RBBP5: variants seen among roughly 807,000 people sequenced by gnomAD.
The protein encoded by RBBP5 is retinoblastoma-binding protein 5.
A neutral mutation model predicts 72.2 loss-of-function variants in RBBP5; 5 were observed. The ratio of observed to expected loss-of-function variants is 0.07; its 90% CI spans 0.04 to 0.15. The LOEUF (loss-of-function observed/expected upper bound fraction) is 0.15. Among genes scored for constraint, RBBP5 ranks in the 10% least tolerant of loss-of-function variants. The probability of loss-of-function intolerance (pLI) is 1.00; values close to 1 mark genes in which losing one functional copy is unlikely to be tolerated. For synonymous variants in RBBP5, 209 were observed against 237.2 expected, an observed-to-expected ratio of 0.88 and a Z score of 1.09; for missense variants, 322 against 652.2, an observed-to-expected ratio of 0.49 and a Z score of 5.51.
intron 6 of RBBP5, among the ~76,000 whole-genome samples, chr1:205,100,483 A>C (rs1655776872): frequency 6.6e-6 from 1 of 152,182 alleles, no homozygotes; most frequent in African/African-American, 2.4e-5. Flanking sequence ...AAAATATACA[A>C]ATTGTCAGCA....
intron 13 of RBBP5, among the ~76,000 whole-genome samples, chr1:205,092,395 C>T (rs909166804): frequency 2.2e-4 from 31 of 142,880 alleles, no homozygotes; most frequent in Non-Finnish European, 4.2e-4. Flanking sequence ...GCAATCTGAC[C>T]GCCTCAGCCT....
In RBBP5 at chr1:205,100,029, C is replaced by G; in HGVS notation, c.788G>C (p.Gly263Ala). Residue 263 changes from glycine (G) to alanine (A), a missense_variant, in exon 8 of 14, where the codon GGG (glycine) becomes GCG (alanine). Transcript: ENST00000264515. ...PWKKCCFSGD[G>A]EYIVAGSARQ... ...GGCAGAACCTGCCACGATGTATTCC[C>G]CATCCCCAGAGAAACAACATTTCTT... The G allele has an allele frequency of 6.2e-7, 1 of 1,614,100 alleles. No homozygotes were observed. The highest frequency in any genetic ancestry group is 8.5e-7 in the Non-Finnish European group (1 of 1,179,962).
Position 205,087,074 on chromosome 1 carries a change from G to A in RBBP5, c.*1713C>T, listed in dbSNP as rs1293932379. On this transcript the variant is annotated 3_prime_UTR_variant, in exon 14 of 14. Transcript: ENST00000264515. ...CTTTCTTCAACTACTGAATATACTGGTTTTAAATGATGGAGTGAGACAAAG... is the reference window on the plus strand; with the variant it reads ...CTTTCTTCAACTACTGAATATACTGATTTTAAATGATGGAGTGAGACAAAG... 4 of 152,114 alleles carry A rather than the reference G, an allele frequency of 2.6e-5. No individual in the cohort carries two copies. The highest frequency in any genetic ancestry group is 5.9e-5 in the Non-Finnish European group (4 of 68,020). 9.4% of individuals were successfully genotyped at this position (152,114 alleles called of 1,614,324 possible). A position where few individuals can be genotyped will look rare whatever the true frequency, so the allele number is the denominator to read the frequency against.
At chr1:205,109,874 A>AG (rs1656236524) in intron 3 of RBBP5, among the ~76,000 whole-genome samples, 1 of 151,898 alleles carries the variant, frequency 6.6e-6, no homozygotes, top group South Asian at 2.1e-4. Flanking sequence ...CATCCTAACA[A>AG]GGGGGGTGGC....
At chr1:205,104,381 G>C (rs1022504914) in intron 4 of RBBP5, among the ~76,000 whole-genome samples, 6 of 151,800 alleles carry the variant, frequency 4.0e-5, no homozygotes, top group African/African-American at 1.5e-4. Context: ...AAACTTAGCC[G>C]GATGTGGTGC....
intron 11 of RBBP5, 101 bp from the exon 12 acceptor site, chr1:205,097,012 G>T (rs780370132): frequency 1.3e-5 from 13 of 1,037,788 alleles, no homozygotes; most frequent in Non-Finnish European, 1.6e-5. Context: ...TAAGCAACAG[G>T]TATGGATCTA....
intron 3 of RBBP5, among the ~76,000 whole-genome samples, chr1:205,112,253 G>C (rs937485156): frequency 1.3e-5 from 2 of 152,108 alleles, no homozygotes; most frequent in South Asian, 2.1e-4. Context: ...GGGAGGTGGA[G>C]GTTGCAGTGA....
intron 3 of RBBP5, among the ~76,000 whole-genome samples, chr1:205,107,089 C>T (rs61822563): frequency 0.19 from 26,735 of 137,840 alleles, 2,592 homozygotes; most frequent in East Asian, 0.39. Context: ...TATATATATA[C>T]ACACACACAC....
At chr1:205,092,566 C>A (rs1391420668) in intron 13 of RBBP5, among the ~76,000 whole-genome samples, 1 of 152,174 alleles carries the variant, frequency 6.6e-6, no homozygotes, top group Non-Finnish European at 1.5e-5. Context: ...CCTGCCTCAG[C>A]TTCCTATGTT....
intron 13 of RBBP5, among the ~76,000 whole-genome samples, chr1:205,093,523 TATATATATATACACACAC>T (rs1655476867): frequency 4.6e-5 from 1 of 21,820 alleles, no homozygotes; most frequent in African/African-American, 4.2e-4. Flanking sequence ...TATATATATA[TATATATATATACACACAC>T]ACACACACAC....
intron 3 of RBBP5, 65 bp from the exon 4 acceptor site, chr1:205,105,233 AC>A: frequency 1.9e-6 from 3 of 1,545,958 alleles, no homozygotes; most frequent in Non-Finnish European, 1.8e-6. Flanking sequence ...TCATGAATAA[AC>A]TGTGTAAGTC....
chr1:205,105,771 C>A (rs1303349826), intron 3 of RBBP5, among the ~76,000 whole-genome samples: 1 of 152,144 alleles, frequency 6.6e-6, no homozygotes, highest in East Asian at 1.9e-4. Flanking sequence ...GAAGGAGAAG[C>A]CAACAACCTG....
intron 1 of RBBP5, among the ~76,000 whole-genome samples, chr1:205,118,627 A>AAAAAG (rs577682047): frequency 0.013 from 1,965 of 152,154 alleles, 23 homozygotes; most frequent in Non-Finnish European, 0.021. Flanking sequence ...CCTCTAAAGA[A>AAAAAG]AAAAGAAAAG....
intron 12 of RBBP5, 47 bp downstream of exon 12, chr1:205,096,635 T>C (rs1364663777): frequency 6.4e-7 from 1 of 1,558,884 alleles, no homozygotes; most frequent in Non-Finnish European, 8.8e-7. Flanking sequence ...GGGGAGTGAG[T>C]AGAAAGTGGC....
Position 205,087,199 on chromosome 1 carries a change from T to C in RBBP5, c.*1588A>G, listed in dbSNP as rs1322095204. ...TAGGAGCATCCACCAACTGATATCA[T>C]TTTTTTTTTTTTTTTGAGATAGAGT... On this transcript the variant is annotated 3_prime_UTR_variant, in exon 14 of 14. Transcript: ENST00000264515. 1.1e-4 allele frequency: 1 copy of C among 9,340 alleles called. No individual in the cohort carries two copies. The highest frequency in any genetic ancestry group is 1.4e-4 in the African/African-American group (1 of 7,270). 0.6% of individuals were successfully genotyped at this position (9,340 alleles called of 1,614,324 possible).
chr1:205,093,186 G>A (rs1383239084), intron 13 of RBBP5, among the ~76,000 whole-genome samples: 1 of 151,696 alleles, frequency 6.6e-6, no homozygotes, highest in Non-Finnish European at 1.5e-5. Context: ...CATGCCGGGC[G>A]TGATAGCTCA....
intron 4 of RBBP5, among the ~76,000 whole-genome samples, chr1:205,104,225 T>TA: frequency 6.6e-6 from 1 of 151,810 alleles, no homozygotes; most frequent in African/African-American, 2.4e-5. Context: ...ACATGATCAT[T>TA]AAAAAAAAGT....
At chr1:205,117,774 G>A (rs1656583854) in intron 1 of RBBP5, among the ~76,000 whole-genome samples, 1 of 152,052 alleles carries the variant, frequency 6.6e-6, no homozygotes, top group Admixed American at 6.6e-5. Flanking sequence ...TTGGGATGGG[G>A]AGGCTTTTTT....
chr1:205,105,156 A>C lies in RBBP5; in HGVS notation c.231T>G (p.Asp77Glu). 6.2e-7 allele frequency: 1 copy of C among 1,611,146 alleles called. No homozygotes were observed. The highest frequency in any genetic ancestry group is 8.5e-7 in the Non-Finnish European group (1 of 1,178,346). The change falls in exon 4 of 14, where the codon GAT becomes GAG. Residue 77 changes from aspartate (D) to glutamate (E), a missense_variant. This residue lies in a region of RBBP5 where 161 missense variants were observed against 327.8 expected (regional missense o/e 0.49). Transcript: ENST00000264515. ...TGGAAGCACTCACGAGTTTATGACC[A>C]TCTCGGCTCCAGCTGAGGAAAAAAA... ...HPVCSLCWSR[D>E]GHKLVSASTD...
Sources: allele counts gnomAD v4.1 joint callset (sites outside exome capture counted in the v4.1 genomes callset), GRCh38; gene constraint gnomAD v4.1.1; regional missense constraint gnomAD v4.1.1; transcripts MANE v1.5; gene names NCBI Gene and HGNC (gene_info 2026-07-23, HGNC 2026-07-21).